Variants in MTUS2 observed in about 807,000 individuals in gnomAD.
MTUS2 encodes the protein microtubule associated scaffold protein 2.
Under a neutral mutation model 114.1 loss-of-function variants are expected in MTUS2, and 40 were observed. The observed-to-expected ratio is 0.35, with a 90% confidence interval of 0.27 to 0.46. The LOEUF (loss-of-function observed/expected upper bound fraction) is 0.46. MTUS2 is among the 20% of genes least tolerant of loss of function. The pLI, the probability that MTUS2 is intolerant of heterozygous loss-of-function variation, is 1.00. For missense variants in MTUS2, 1,679 were observed against 1,705.4 expected (o/e 0.98, Z 0.27); for synonymous variants, 688 against 672.0 (o/e 1.02, Z -0.37).
At position 28,944,067 on chromosome 13, in the gene MTUS2, G is replaced by A. The variant is rs569249075; in HGVS notation, c.-242-80390G>A. ...GGTTTTTTTAGAATTTCTAAGCATA[G>A]AAGATGTTACTTCTAGAGACTAATT... On this transcript the variant is annotated intron_variant, in intron 2 of 15. Transcript: ENST00000612955. Among the ~76,000 whole-genome samples the A allele has an allele frequency of 5.3e-5, 8 of 152,068 alleles. No individual in the cohort carries two copies. In the South Asian group the frequency reaches 1.7e-3, roughly 32 times the overall value.
intron 5 of MTUS2, among the ~76,000 whole-genome samples, chr13:29,269,077 A>G (rs1213279841): frequency 6.6e-6 from 1 of 152,212 alleles, no homozygotes; most frequent in Admixed American, 6.5e-5. Flanking sequence ...GGAGCAGAAC[A>G]GTGTCTCAGG....
At chr13:29,238,925 G>C (rs1896634019) in intron 5 of MTUS2, among the ~76,000 whole-genome samples, 1 of 152,210 alleles carries the variant, frequency 6.6e-6, no homozygotes, top group Non-Finnish European at 1.5e-5. Context: ...GAAGCAGAGA[G>C]TGGAATAGTG....
At chr13:28,885,693 G>GTA (rs1165145725) in intron 2 of MTUS2, among the ~76,000 whole-genome samples, 1 of 152,126 alleles carries the variant, frequency 6.6e-6, no homozygotes, top group Non-Finnish European at 1.5e-5. Context: ...AATCTTAAAG[G>GTA]TGAATATTCA....
chr13:29,475,965 G>C (rs1880672816), intron 9 of MTUS2, among the ~76,000 whole-genome samples: 1 of 152,124 alleles, frequency 6.6e-6, no homozygotes, highest in South Asian at 2.1e-4. Flanking sequence ...ATCATTCACT[G>C]ACTTACCCAG....
intron 5 of MTUS2, among the ~76,000 whole-genome samples, chr13:29,230,825 C>G (rs1896294677): frequency 6.6e-6 from 1 of 152,042 alleles, no homozygotes; most frequent in Non-Finnish European, 1.5e-5. Context: ...CCAGTGAGTT[C>G]CTATATTTGT....
chr13:29,464,675 C>T (rs7986480), intron 9 of MTUS2, among the ~76,000 whole-genome samples: 3,360 of 152,178 alleles, frequency 0.022, 107 homozygotes, highest in African/African-American at 0.072. Context: ...CAGATTCCAC[C>T]CCAGCTAATT....
intron 2 of MTUS2, among the ~76,000 whole-genome samples, chr13:28,889,935 G>A (rs1878817800): frequency 6.6e-6 from 1 of 152,144 alleles, no homozygotes; most frequent in South Asian, 2.1e-4. Flanking sequence ...GATGTGGGGT[G>A]CCCCAGTGAT....
intron 12 of MTUS2, among the ~76,000 whole-genome samples, chr13:29,495,373 A>T (rs1303643420): frequency 4.1e-5 from 6 of 147,714 alleles, no homozygotes; most frequent in Non-Finnish European, 4.5e-5. Context: ...AAAAAAAAAA[A>T]AAAAAAAGGA....
chr13:29,152,591 C>A (rs1043862155), intron 5 of MTUS2, among the ~76,000 whole-genome samples: 1 of 152,094 alleles, frequency 6.6e-6, no homozygotes. Context: ...CAAGCTCACT[C>A]ACATGGCTGC....
chr13:28,839,037 G>A (rs1211206756), intron 1 of MTUS2, among the ~76,000 whole-genome samples: 4 of 151,712 alleles, frequency 2.6e-5, no homozygotes, highest in African/African-American at 9.7e-5. Flanking sequence ...ATGAAATTGC[G>A]ATATGTGTAG....
At chr13:29,226,006 G>A (rs1305059404) in intron 5 of MTUS2, among the ~76,000 whole-genome samples, 1 of 152,106 alleles carries the variant, frequency 6.6e-6, no homozygotes, top group Admixed American at 6.5e-5. Flanking sequence ...AATTAGGGTT[G>A]TATCTCCAAA....
Position 29,498,184 on chromosome 13 carries a change from A to T in MTUS2, c.3679-234A>T, listed in dbSNP as rs527729109. On this transcript the variant is annotated intron_variant, in intron 13 of 15. Transcript: ENST00000612955. ...CTGGAGTCAGACTTGCCAGTGGTTG[A>T]TGGCCATGTCTCACCTGTTCCCCCA... is the stretch of plus-strand genomic sequence containing the variant. Among the ~76,000 whole-genome samples, 19 of 152,308 alleles carry T rather than the reference A, an allele frequency of 1.2e-4. 1 individual carries two copies. The South Asian group carries it at 3.9e-3, about 32-fold the overall frequency.
rs59276409 is a variant in MTUS2 at position 28,956,942 on chromosome 13, G to A, written c.-242-67515G>A. ...AGATGGGCGATCTGGTGGGAAGGAAGTGTTGGGGGACAGAGGGAAGAAGGC... is the reference window on the plus strand; with the variant it reads ...AGATGGGCGATCTGGTGGGAAGGAAATGTTGGGGGACAGAGGGAAGAAGGC... On this transcript the variant is annotated intron_variant, in intron 2 of 15. Coordinates refer to ENST00000612955, the MANE Select transcript of MTUS2 (RefSeq NM_001033602.4). Among the ~76,000 whole-genome samples, 1,370 of 149,242 alleles carry A rather than the reference G, an allele frequency of 9.2e-3. 31 individuals are homozygous for A. The highest frequency in any genetic ancestry group is 0.032 in the African/African-American group (1,294 of 40,318).
intron 6 of MTUS2, among the ~76,000 whole-genome samples, chr13:29,308,461 A>G (rs1001163003): frequency 1.3e-5 from 2 of 152,224 alleles, no homozygotes; most frequent in Admixed American, 1.3e-4. Context: ...CTTAGAAGAA[A>G]ATCTAGGCAA....
intron 1 of MTUS2, among the ~76,000 whole-genome samples, chr13:28,822,734 A>C: frequency 6.6e-6 from 1 of 150,850 alleles, no homozygotes; most frequent in Non-Finnish European, 1.5e-5. Context: ...CTATATTCCC[A>C]CCCCCCAATT....
At chr13:28,822,001 C>T (rs760598630) in intron 1 of MTUS2, among the ~76,000 whole-genome samples, 1 of 152,106 alleles carries the variant, frequency 6.6e-6, no homozygotes, top group Non-Finnish European at 1.5e-5. Context: ...GCAGAAGTAC[C>T]AATGAAAGTT....
intron 2 of MTUS2, among the ~76,000 whole-genome samples, chr13:28,850,736 G>T (rs1260548423): frequency 6.6e-6 from 1 of 152,208 alleles, no homozygotes; most frequent in Non-Finnish European, 1.5e-5. Context: ...TCTTTAGACA[G>T]TTGATTCATT....
intron 8 of MTUS2, among the ~76,000 whole-genome samples, chr13:29,413,569 A>G (rs568945955): frequency 1.1e-5 from 1 of 90,078 alleles, no homozygotes; most frequent in Non-Finnish European, 2.2e-5. Context: ...ACAAAGGGCT[A>G]ATATCCAGAA....
chr13:28,997,719 T>C (rs1885181171), intron 2 of MTUS2, among the ~76,000 whole-genome samples: 1 of 152,018 alleles, frequency 6.6e-6, no homozygotes, highest in South Asian at 2.1e-4. Flanking sequence ...CAACCCCTGC[T>C]TTTCTTTGTT....
Sources: gnomAD v4.1 joint callset for allele counts (sites outside exome capture counted in the v4.1 genomes callset) on GRCh38, gnomAD v4.1.1 for gene constraint, MANE v1.5 for transcripts, NCBI Gene and HGNC (gene_info 2026-07-23, HGNC 2026-07-21) for gene names.